IL1RAPL1: variants seen among roughly 807,000 people sequenced by gnomAD.
IL1RAPL1 encodes interleukin-1 receptor accessory protein-like 1.
Under a neutral mutation model 48.4 loss-of-function variants are expected in IL1RAPL1, and 3 were observed. The ratio of observed to expected loss-of-function variants is 0.06; its 90% confidence interval spans 0.03 to 0.16. IL1RAPL1 has a LOEUF of 0.16. Ranked by LOEUF, IL1RAPL1 falls within the 10% of genes least tolerant of loss-of-function variation. The pLI is 1.00. For synonymous variants in IL1RAPL1, 185 were observed against 187.7 expected (o/e 0.99, Z 0.12); for missense variants, 349 against 530.6 (o/e 0.66, Z 3.36).
intron 6 of IL1RAPL1, among the ~76,000 whole-genome samples, chrX:29,854,918 C>A (rs927894269): frequency 9.9e-5 from 11 of 110,608 alleles, no homozygotes; most frequent in African/African-American, 3.6e-4. Flanking sequence ...CACACACACA[C>A]AAAATTAACG....
At chrX:28,903,214 G>T (rs770576789) in intron 2 of IL1RAPL1, among the ~76,000 whole-genome samples, 10 of 110,431 alleles carry the variant, frequency 9.1e-5, no homozygotes. Context: ...CTGACTCCTG[G>T]GTTCAAGTGA....
intron 2 of IL1RAPL1, among the ~76,000 whole-genome samples, chrX:28,812,220 G>GTA (rs1395674066): frequency 1.8e-5 from 2 of 110,558 alleles, no homozygotes; most frequent in African/African-American, 3.3e-5. Flanking sequence ...AACAATGTGT[G>GTA]TATATATATA....
chrX:28,755,488 T>G (rs1936096298), intron 1 of IL1RAPL1, among the ~76,000 whole-genome samples: 1 of 112,417 alleles, frequency 8.9e-6, no homozygotes. Flanking sequence ...CCTTGGATAG[T>G]GCAGATAGAG....
intron 2 of IL1RAPL1, among the ~76,000 whole-genome samples, chrX:28,889,789 A>G (rs1329447736): frequency 9.0e-6 from 1 of 111,220 alleles, no homozygotes; most frequent in Non-Finnish European, 1.9e-5. Flanking sequence ...CAGCGAATTT[A>G]CAATATCTGG....
intron 5 of IL1RAPL1, among the ~76,000 whole-genome samples, chrX:29,589,887 C>T (rs1349080689): frequency 2.7e-5 from 3 of 110,904 alleles, no homozygotes; most frequent in East Asian, 2.8e-4. Context: ...GGCATCTGCT[C>T]GGCTTCTGGG....
intron 6 of IL1RAPL1, among the ~76,000 whole-genome samples, chrX:29,789,384 T>G (rs1214464276): frequency 1.8e-5 from 2 of 111,748 alleles, no homozygotes; most frequent in African/African-American, 6.5e-5. Context: ...CCTTAAGCTA[T>G]GGGCAAAATT....
chrX:29,725,668 C>T (rs1161821199), intron 6 of IL1RAPL1, among the ~76,000 whole-genome samples: 1 of 111,910 alleles, frequency 8.9e-6, no homozygotes, highest in Non-Finnish European at 1.9e-5. Flanking sequence ...CACCACAAAC[C>T]CCTTAGCAGT....
At chrX:29,853,701 A>C (rs892146552) in intron 6 of IL1RAPL1, among the ~76,000 whole-genome samples, 1 of 112,192 alleles carries the variant, frequency 8.9e-6, no homozygotes, top group African/African-American at 3.2e-5. Flanking sequence ...GAATTCAGTC[A>C]TCAATCGCTG....
At chrX:29,660,807 C>A (rs889315394) in intron 5 of IL1RAPL1, among the ~76,000 whole-genome samples, 1 of 112,015 alleles carries the variant, frequency 8.9e-6, no homozygotes, top group African/African-American at 3.2e-5. Context: ...ATTGCTTTGG[C>A]TCCTTGGGCT....
At chrX:28,924,058 C>G (rs1018409512) in intron 2 of IL1RAPL1, 10 of 111,520 alleles carry the variant, frequency 9.0e-5, no homozygotes, top group East Asian at 2.8e-4. Context: ...AGTTCCCTCA[C>G]TAAAAACAAA....
At chrX:29,615,661 CT>C (rs1336702697) in intron 5 of IL1RAPL1, among the ~76,000 whole-genome samples, 2 of 110,385 alleles carry the variant, frequency 1.8e-5, no homozygotes, top group Non-Finnish European at 1.9e-5. Context: ...TTCACTCTGC[CT>C]TAACAGTTTA....
At chrX:29,443,493 A>G (rs1424098692) in intron 5 of IL1RAPL1, among the ~76,000 whole-genome samples, 1 of 111,102 alleles carries the variant, frequency 9.0e-6, no homozygotes, top group African/African-American at 3.3e-5. Flanking sequence ...CTCTGTTCAT[A>G]ATGCAAAAGA....
At position 28,712,925 on chromosome X, in the gene IL1RAPL1, T is replaced by A. The variant is rs748533108; in HGVS notation, c.-24-76395T>A. On this transcript the variant is annotated intron_variant, in intron 1 of 10. Coordinates refer to ENST00000378993, the MANE Select transcript of IL1RAPL1 (RefSeq NM_014271.4). ...CATATTGAGTAATTCTACCTGTTTT[T>A]ACAATTAAATGTCCATCGCTAAATA... Among the ~76,000 whole-genome samples, 288 of 112,175 alleles carry A rather than the reference T, an allele frequency of 2.6e-3. 2 individuals carry two copies. Among genetic ancestry groups the A allele is most frequent in the African/African-American group, 8.7e-3 (269 of 30,966 alleles).
chrX:29,619,787 T>C (rs1924403757), intron 5 of IL1RAPL1, among the ~76,000 whole-genome samples: 1 of 111,934 alleles, frequency 8.9e-6, no homozygotes, highest in Non-Finnish European at 1.9e-5. Flanking sequence ...ATGTGTGAGC[T>C]GTTTTTTTGT....
chrX:29,818,812 T>G (rs554303756), intron 6 of IL1RAPL1, among the ~76,000 whole-genome samples: 1 of 112,509 alleles, frequency 8.9e-6, no homozygotes, highest in South Asian at 3.7e-4. Flanking sequence ...TCCAATTAAC[T>G]TAGCCTTTTA....
chrX:29,102,598 A>G (rs1602057698), intron 2 of IL1RAPL1, among the ~76,000 whole-genome samples: 1 of 109,004 alleles, frequency 9.2e-6, no homozygotes, highest in South Asian at 4.1e-4. Flanking sequence ...CCCAGGAGGC[A>G]GAGGTTGCAG....
chrX:29,820,473 C>T (rs188206726), intron 6 of IL1RAPL1, among the ~76,000 whole-genome samples: 1 of 111,940 alleles, frequency 8.9e-6, no homozygotes, highest in Non-Finnish European at 1.9e-5. Context: ...GGGAGCTTCT[C>T]AGAAACATTA....
chrX:28,729,720 G>A lies in IL1RAPL1; in HGVS notation c.-24-59600G>A, dbSNP rs1007122773. On this transcript the variant is annotated intron_variant, in intron 1 of 10. Transcript: ENST00000378993. ...CCAGTTAGAAGATAGGGATGAGGCC[G>A]GGTGTGGTGGCTCATGCCTGTAATC... Among the ~76,000 whole-genome samples, 75 of 111,506 alleles carry A rather than the reference G, an allele frequency of 6.7e-4. 1 individual carries two copies. Among genetic ancestry groups the A allele is most frequent in the Non-Finnish European group, 1.5e-4 (8 of 53,095 alleles).
At chrX:28,966,032 C>T (rs112264068) in intron 2 of IL1RAPL1, among the ~76,000 whole-genome samples, 43 of 111,685 alleles carry the variant, frequency 3.9e-4, no homozygotes, top group African/African-American at 1.3e-3. Flanking sequence ...ATTAAATAGA[C>T]ATTAAGTTAA....
Sources: gnomAD v4.1 joint callset for allele counts (sites outside exome capture counted in the v4.1 genomes callset) on GRCh38, gnomAD v4.1.1 for gene constraint, MANE v1.5 for transcripts, NCBI Gene and HGNC (gene_info 2026-07-23, HGNC 2026-07-21) for gene names.